PLCL2: variants seen among roughly 807,000 people sequenced by gnomAD.
The protein encoded by PLCL2 is inactive phospholipase C-like protein 2.
Under a neutral mutation model 79.6 loss-of-function variants are expected in PLCL2, and 4 were observed. The observed-to-expected ratio is 0.05, with a 90% CI of 0.02 to 0.11. The LOEUF (loss-of-function observed/expected upper bound fraction) is 0.11. Ranked by LOEUF, PLCL2 falls within the 10% of genes least tolerant of loss-of-function variation. PLCL2 has a pLI of 1.00. For missense variants in PLCL2, 895 were observed against 1,291.0 expected, an observed-to-expected ratio of 0.69 and a Z score of 4.70; for synonymous variants, 484 against 457.7, an observed-to-expected ratio of 1.06 and a Z score of -0.73.
chr3:16,885,431 G>T, intron 1 of PLCL2, 65 bp downstream of exon 1: 1 of 546,246 alleles, frequency 1.8e-6, no homozygotes, highest in Non-Finnish European at 3.3e-6. Context: ...TTCTCCCTGG[G>T]GGAGTGGTGG....
chr3:16,890,524 A>G (rs1222523889), intron 1 of PLCL2, among the ~76,000 whole-genome samples: 1 of 152,266 alleles, frequency 6.6e-6, no homozygotes, highest in Non-Finnish European at 1.5e-5. Context: ...TAAATGAAGT[A>G]TGAACATTTA....
chr3:17,067,962 A>G lies in PLCL2; in HGVS notation c.3101A>G (p.Glu1034Gly), dbSNP rs774670711. The change falls in exon 5 of 6, where the codon GAA becomes GGA. Residue 1034 changes from glutamate to glycine, a missense_variant. This residue lies in a region of PLCL2 where 298 missense variants were observed against 459.6 expected (regional missense o/e 0.65). Coordinates refer to ENST00000615277, the MANE Select transcript of PLCL2 (RefSeq NM_001144382.2). ...TCTTTTTTATTTCTTTCAGCCATGG[A>G]ATTCCATGAACACTTGCACAGCATA... ...KIVHCQKAAM[E>G]FHEHLHSIGT... The G allele has an allele frequency of 2.3e-5, 37 of 1,592,130 alleles. No individual in the cohort carries two copies. Among genetic ancestry groups the G allele is most frequent in the Admixed American group, 1.5e-4 (9 of 58,562 alleles).
intron 3 of PLCL2, among the ~76,000 whole-genome samples, chr3:17,027,651 C>T (rs775707333): frequency 2.8e-4 from 42 of 152,240 alleles, no homozygotes; most frequent in Non-Finnish European, 5.1e-4. Context: ...TCCTTTCTTT[C>T]TTTTCTTCCT....
At chr3:17,014,658 A>C in intron 2 of PLCL2, 50 bp from the exon 3 acceptor site, 1 of 1,385,806 alleles carries the variant, frequency 7.2e-7, no homozygotes, top group Non-Finnish European at 1.0e-6. Flanking sequence ...ATCCATGAGA[A>C]AGTAAAACCC....
chr3:17,081,574 A>C, intron 5 of PLCL2: 1 of 200,250 alleles, frequency 5.0e-6, no homozygotes. Context: ...TAGCACTAAC[A>C]GATGTGTCTT....
intron 1 of PLCL2, among the ~76,000 whole-genome samples, chr3:16,890,354 T>C (rs1307099615): frequency 6.6e-6 from 1 of 152,236 alleles, no homozygotes; most frequent in Admixed American, 6.5e-5. Context: ...TTTCTTAGAA[T>C]GTTCTATCCC....
At chr3:16,932,148 T>C (rs571211383) in intron 1 of PLCL2, among the ~76,000 whole-genome samples, 2 of 152,358 alleles carry the variant, frequency 1.3e-5, no homozygotes, top group South Asian at 4.1e-4. Context: ...TAATTCGTTA[T>C]GGCTGCCAGA....
chr3:16,990,352 C>G (rs1164031253), intron 1 of PLCL2, among the ~76,000 whole-genome samples: 1 of 152,180 alleles, frequency 6.6e-6, no homozygotes, highest in Non-Finnish European at 1.5e-5. Context: ...CTTAGGTACT[C>G]TATAAAGGGC....
At chr3:16,925,601 C>G (rs767134341) in intron 1 of PLCL2, among the ~76,000 whole-genome samples, 6 of 152,190 alleles carry the variant, frequency 3.9e-5, no homozygotes, top group Non-Finnish European at 8.8e-5. Flanking sequence ...CTTCCCTAAA[C>G]ATTTTATATA....
chr3:16,903,282 T>C (rs780182366), intron 1 of PLCL2, among the ~76,000 whole-genome samples: 1 of 151,776 alleles, frequency 6.6e-6, no homozygotes, highest in Non-Finnish European at 1.5e-5. Flanking sequence ...TTGAAAAAAA[T>C]TATTTTTTAT....
chr3:16,975,830 C>T (rs1219601742), intron 1 of PLCL2, among the ~76,000 whole-genome samples: 1 of 152,186 alleles, frequency 6.6e-6, no homozygotes, highest in Non-Finnish European at 1.5e-5. Flanking sequence ...CTGCCTGAGA[C>T]AACAGGACTC....
chr3:16,937,254 C>T (rs192818859), intron 1 of PLCL2, among the ~76,000 whole-genome samples: 4 of 152,180 alleles, frequency 2.6e-5, no homozygotes, highest in East Asian at 1.9e-4. Flanking sequence ...AATAGGCTAC[C>T]GGGAGGAACC....
intron 1 of PLCL2, among the ~76,000 whole-genome samples, chr3:16,902,719 C>G (rs545164091): frequency 1.3e-5 from 2 of 151,120 alleles, no homozygotes; most frequent in African/African-American, 2.4e-5. Context: ...CCCAGCTACT[C>G]AGGAGGCTGA....
intron 1 of PLCL2, among the ~76,000 whole-genome samples, chr3:16,903,812 CT>C (rs1184983476): frequency 6.6e-6 from 1 of 152,210 alleles, no homozygotes; most frequent in Non-Finnish European, 1.5e-5. Context: ...GAAGCAGTTT[CT>C]GGAACATGGT....
At chr3:16,912,540 A>G (rs1472999131) in intron 1 of PLCL2, among the ~76,000 whole-genome samples, 2 of 152,204 alleles carry the variant, frequency 1.3e-5, no homozygotes, top group South Asian at 2.1e-4. Flanking sequence ...TAACACTTCA[A>G]CAGTCATATT....
intron 1 of PLCL2, among the ~76,000 whole-genome samples, chr3:16,930,536 T>G (rs561741346): frequency 6.6e-6 from 1 of 152,348 alleles, no homozygotes; most frequent in African/African-American, 2.4e-5. Context: ...TAGTGTACTG[T>G]TTTCTTAAAC....
chr3:17,007,764 G>A (rs1010412098), intron 1 of PLCL2, among the ~76,000 whole-genome samples: 1 of 152,184 alleles, frequency 6.6e-6, no homozygotes. Flanking sequence ...TCCAGAGCAG[G>A]AAAATTAGAA....
intron 4 of PLCL2, among the ~76,000 whole-genome samples, chr3:17,061,083 C>T (rs1246015974): frequency 6.6e-6 from 1 of 152,074 alleles, no homozygotes; most frequent in Non-Finnish European, 1.5e-5. Flanking sequence ...AAAATTTTAG[C>T]CATGTGCTAC....
intron 5 of PLCL2, among the ~76,000 whole-genome samples, chr3:17,074,635 A>C (rs1355883972): frequency 6.6e-6 from 1 of 152,176 alleles, no homozygotes; most frequent in Non-Finnish European, 1.5e-5. Flanking sequence ...CTACATTGAA[A>C]ATCTGTTGTT....
Sources: gnomAD v4.1 joint callset for allele counts (sites outside exome capture counted in the v4.1 genomes callset) on GRCh38, gnomAD v4.1.1 for gene constraint, gnomAD v4.1.1 regional missense constraint, MANE v1.5 for transcripts, NCBI Gene and HGNC (gene_info 2026-07-23, HGNC 2026-07-21) for gene names.